The following EIF4B variants were observed in gnomAD, a reference collection of about 807,000 sequenced individuals.
EIF4B encodes eukaryotic translation initiation factor 4B.
EIF4B carries 8 observed loss-of-function variants against 79.3 expected under a neutral mutation model. The observed-to-expected ratio is 0.10, with a 90% CI of 0.06 to 0.18. The LOEUF is 0.18. EIF4B is among the 10% of genes least tolerant of loss of function. EIF4B has a pLI of 1.00. For missense variants in EIF4B, 515 were observed against 792.4 expected, an observed-to-expected ratio of 0.65 and a Z score of 4.20; for synonymous variants, 238 against 274.7, an observed-to-expected ratio of 0.87 and a Z score of 1.32.
intron 8 of EIF4B, among the ~76,000 whole-genome samples, chr12:53,029,066 A>G (rs755198613): frequency 5.9e-5 from 9 of 151,804 alleles, no homozygotes; most frequent in South Asian, 2.1e-4. Flanking sequence ...CAGAGGTTGC[A>G]GCGAGCTGAG....
chr12:53,039,376 A>G, intron 13 of EIF4B, 33 bp downstream of exon 13: 1 of 1,498,946 alleles, frequency 6.7e-7, no homozygotes, highest in Non-Finnish European at 9.1e-7. Flanking sequence ...CTTTCCTCTG[A>G]TCCACATGTT....
At chr12:53,019,267 T>C (rs1199752151) in intron 3 of EIF4B, among the ~76,000 whole-genome samples, 1 of 151,846 alleles carries the variant, frequency 6.6e-6, no homozygotes, top group African/African-American at 2.4e-5. Flanking sequence ...GGCGTGGTGG[T>C]ACACGTCTGT....
intron 8 of EIF4B, among the ~76,000 whole-genome samples, chr12:53,030,426 T>TTTTTTTTTTTTTTTTG (rs1943418322): frequency 1.2e-5 from 1 of 84,690 alleles, no homozygotes; most frequent in Non-Finnish European, 2.4e-5. Context: ...TTTTTTTTTT[T>TTTTTTTTTTTTTTTTG]TTTTTTTTTT....
chr12:53,036,620 C>T (rs1943545641), intron 10 of EIF4B, among the ~76,000 whole-genome samples: 1 of 152,118 alleles, frequency 6.6e-6, no homozygotes, highest in Non-Finnish European at 1.5e-5. Flanking sequence ...CACTACACTC[C>T]CCAGGCTGGT....
intron 10 of EIF4B, among the ~76,000 whole-genome samples, chr12:53,034,994 T>A (rs1943514929): frequency 6.6e-6 from 1 of 151,444 alleles, no homozygotes; most frequent in Non-Finnish European, 1.5e-5. Flanking sequence ...ATTTTCATTT[T>A]ATGTCTTGAC....
In EIF4B at chr12:53,028,201, T is replaced by C. The variant is rs766784340; in HGVS notation, c.979+13T>C. ...CGTGATGATAGAGGTAATAGTTTTC[T>C]TTTTACGTACTTCATGGAGCAGAAA... On this transcript the variant is annotated intron_variant, in intron 8 of 14. Transcript: ENST00000262056. 1 of 1,554,452 alleles carries C rather than the reference T, an allele frequency of 6.4e-7. No homozygotes were observed. The highest frequency in any genetic ancestry group is 1.2e-5 in the South Asian group (1 of 81,548).
intron 1 of EIF4B, among the ~76,000 whole-genome samples, chr12:53,011,231 T>C (rs1235413429): frequency 6.6e-6 from 1 of 152,158 alleles, no homozygotes; most frequent in Non-Finnish European, 1.5e-5. Context: ...CTCACTACTG[T>C]ACTCCAGCCT....
intron 1 of EIF4B, 60 bp from the exon 2 acceptor site, chr12:53,016,413 G>A (rs537617452): frequency 8.6e-5 from 137 of 1,601,392 alleles, no homozygotes; most frequent in Non-Finnish European, 1.0e-4. Context: ...ATATTGCATT[G>A]TACAACTCTG....
At chr12:53,012,184 T>C (rs1357537075) in intron 1 of EIF4B, 1 of 152,230 alleles carries the variant, frequency 6.6e-6, no homozygotes, top group African/African-American at 2.4e-5. Context: ...GCTGCTTATA[T>C]TTTGACTGAG....
intron 4 of EIF4B, 79 bp downstream of exon 4, chr12:53,020,105 G>C: frequency 1.7e-6 from 2 of 1,202,868 alleles, no homozygotes; most frequent in Non-Finnish European, 2.3e-6. Context: ...GTATTTTTTA[G>C]GTTGAGAGGC....
chr12:53,022,168 T>C, intron 5 of EIF4B: 1 of 665,338 alleles, frequency 1.5e-6, no homozygotes, highest in East Asian at 2.8e-5. Context: ...CTGATTGATC[T>C]AGATGAACAT....
Position 53,015,978 on chromosome 12 carries a change from C to CAAA in EIF4B, c.14-480_14-478dup, listed in dbSNP as rs11315385. 1.4e-4 allele frequency among the ~76,000 whole-genome samples: 17 copies of CAAA among 124,412 alleles called. No homozygotes were observed. In the East Asian group the frequency reaches 3.8e-3, roughly 28 times the overall value. 81.6% of individuals were successfully genotyped at this position (124,412 alleles called of 152,430 possible). A position where few individuals can be genotyped will look rare whatever the true frequency, so the allele number is the denominator to read the frequency against. On this transcript the variant is annotated intron_variant, in intron 1 of 14. Transcript: ENST00000262056. ...GGACAACAAGAGCAAGACTCTGTCT[C>CAAA]AAAAAAAAAAAAAAAAAGACAGTTG... is the stretch of plus-strand genomic sequence containing the variant.
At chr12:53,030,413 C>CTTTTTTTTTTTGTTTTTT (rs1943416092) in intron 8 of EIF4B, among the ~76,000 whole-genome samples, 2 of 43,066 alleles carry the variant, frequency 4.6e-5, no homozygotes, top group Non-Finnish European at 5.9e-5. Context: ...AAATTATATT[C>CTTTTTTTTTTTGTTTTTT]TTTTTTTTTT....
chr12:53,006,478 C>G lies in EIF4B; in HGVS notation c.-6C>G. The G allele has an allele frequency of 6.2e-7, 1 of 1,613,536 alleles. No individual in the cohort carries two copies. Among genetic ancestry groups the G allele is most frequent in the Non-Finnish European group, 8.5e-7 (1 of 1,180,024 alleles). ...GGTCTTTTGCGTTCTCTTTCCCTCT[C>G]CCAACATGGCGGCCTCAGGTGAGCG... On this transcript the variant is annotated 5_prime_UTR_variant, in exon 1 of 15. Coordinates refer to ENST00000262056, the MANE Select transcript of EIF4B (RefSeq NM_001417.7).
At chr12:53,016,966 T>A (rs917219473) in intron 2 of EIF4B, among the ~76,000 whole-genome samples, 3 of 152,128 alleles carry the variant, frequency 2.0e-5, no homozygotes, top group Non-Finnish European at 4.4e-5. Flanking sequence ...TAAAGTGATG[T>A]TTCAGGCTGC....
At chr12:53,009,749 T>C (rs1263239745) in intron 1 of EIF4B, among the ~76,000 whole-genome samples, 1 of 152,222 alleles carries the variant, frequency 6.6e-6, no homozygotes, top group Non-Finnish European at 1.5e-5. Context: ...ATCATGTATA[T>C]GTTATTCTGT....
intron 5 of EIF4B, chr12:53,022,204 G>A: frequency 1.5e-6 from 1 of 672,196 alleles, no homozygotes; most frequent in East Asian, 2.9e-5. Flanking sequence ...TAGATTAGCT[G>A]CCTAACAGCA....
chr12:53,031,078 C>T (rs1043501274), intron 8 of EIF4B, among the ~76,000 whole-genome samples: 6 of 152,202 alleles, frequency 3.9e-5, no homozygotes, highest in African/African-American at 1.2e-4. Flanking sequence ...GCTGCACCCA[C>T]GTTACTGGCC....
intron 1 of EIF4B, among the ~76,000 whole-genome samples, chr12:53,012,614 T>A (rs139401551): frequency 6.6e-6 from 1 of 151,448 alleles, no homozygotes; most frequent in Non-Finnish European, 1.5e-5. Flanking sequence ...TTTTTTTCTT[T>A]TTTTTGTGGG....
Sources: gnomAD v4.1 joint callset for allele counts (sites outside exome capture counted in the v4.1 genomes callset) on GRCh38, gnomAD v4.1.1 for gene constraint, MANE v1.5 for transcripts, NCBI Gene and HGNC (gene_info 2026-07-23, HGNC 2026-07-21) for gene names.